GZMH: variants seen among roughly 807,000 people sequenced by gnomAD.
GZMH encodes granzyme H.
Under a neutral mutation model 20.7 loss-of-function variants are expected in GZMH, and 24 were observed. That is an observed-to-expected ratio of 1.16 (90% confidence interval 0.84 to 1.63). GZMH has a LOEUF of 1.63. Among genes scored for constraint, GZMH ranks in the 40% most tolerant of loss-of-function variants. The pLI is 0.00. For missense variants in GZMH, 344 were observed against 302.7 expected (o/e 1.14, Z -1.01); for synonymous variants, 119 against 116.1 (o/e 1.02, Z -0.16).
Position 24,606,482 on chromosome 14 carries a change from A to T in GZMH, c.*121T>A, listed in dbSNP as rs1039202132. On this transcript the variant is annotated 3_prime_UTR_variant, in exon 5 of 5. Coordinates refer to ENST00000216338, the MANE Select transcript of GZMH (RefSeq NM_033423.5). Reference sequence around the variant, plus strand: ...TCAGTGAATAAATAAGACTTCAGTCATATTTACACCAGAGATCCATTTATT... The same window carrying T: ...TCAGTGAATAAATAAGACTTCAGTCTTATTTACACCAGAGATCCATTTATT... 1.3e-5 allele frequency: 11 copies of T among 819,138 alleles called. No homozygotes were observed. The highest frequency in any genetic ancestry group is 1.4e-5 in the Non-Finnish European group (7 of 503,150). The allele number at this position is 819,138 out of a possible 1,614,324, so 50.7% of individuals were successfully genotyped here.
At chr14:24,607,561 A>C in intron 3 of GZMH, 51 bp downstream of exon 3, 1 of 1,611,722 alleles carries the variant, frequency 6.2e-7, no homozygotes, top group South Asian at 1.1e-5. Context: ...TCCCAGTGGG[A>C]GTGGAACCAA....
chr14:24,609,499 A>G lies in GZMH; in HGVS notation c.55+60T>C. 5 of 1,142,130 alleles carry G rather than the reference A, an allele frequency of 4.4e-6. 1 individual carries two copies. The South Asian group carries it at 7.8e-5, about 18-fold the overall frequency. The allele number at this position is 1,142,130 out of a possible 1,614,324, so 70.7% of individuals were successfully genotyped here. ...TGAGGAAAATTCCTGACCAGTGCTC[A>G]TGGGTACAGGGTATCTTATAAGATG... On this transcript the variant is annotated intron_variant, in intron 1 of 4. Coordinates refer to ENST00000216338, the MANE Select transcript of GZMH (RefSeq NM_033423.5).
intron 1 of GZMH, 82 bp from the exon 2 acceptor site, chr14:24,608,494 T>G: frequency 6.7e-7 from 1 of 1,492,520 alleles, no homozygotes; most frequent in Non-Finnish European, 9.3e-7. Flanking sequence ...TGATTGAGGG[T>G]GAAGTGTTTT....
In GZMH at chr14:24,607,882, G is replaced by C. The variant is rs111709298; in HGVS notation, c.204-135C>G. On this transcript the variant is annotated intron_variant, in intron 2 of 4. Transcript: ENST00000216338. The stretch of plus-strand genomic sequence containing the variant: ...GTTGAAGGGACAGGAGGGCTCCAGG[G>C]CTGAGTGACTGTGCCCTCTACTTCA... 439 of 1,284,552 alleles carry C rather than the reference G, an allele frequency of 3.4e-4. 1 individual carries two copies. The African/African-American group carries it at 5.7e-3, about 17-fold the overall frequency. The allele number at this position is 1,284,552 out of a possible 1,614,324, so 79.6% of individuals were successfully genotyped here. A position where few individuals can be genotyped will look rare whatever the true frequency, so the allele number is the denominator to read the frequency against.
At chr14:24,609,144 T>G (rs192297532) in intron 1 of GZMH, among the ~76,000 whole-genome samples, 83 of 152,292 alleles carry the variant, frequency 5.5e-4, no homozygotes, top group African/African-American at 1.7e-3. Context: ...TGGGCTTCCC[T>G]CCTGGCAGGG....
rs115493987 is a variant in GZMH, at chr14:24,606,604, T to A, written c.740A>T (p.Ter247LeuextTer4). Residue 247 changes from the stop codon to leucine (L), a stop_lost, in exon 5 of 5, where the codon TAA becomes TTA. Transcript: ENST00000216338. ...GGAAGGTTAGTCTCATGCCTGCTGT[T>A]AGAGGCGCTTCATTGTTCTCTTTAT... ...PWIKRTMKRL[*>L] is the part of the protein sequence containing the mutation. 2.4e-3 allele frequency: 3,865 copies of A among 1,612,884 alleles called. 77 individuals are homozygous for A. In the African/African-American group the frequency reaches 0.045, roughly 19 times the overall value.
In GZMH at chr14:24,606,599, G is replaced by A; in HGVS notation, c.*4C>T. 3 of 1,612,038 alleles carry A rather than the reference G, an allele frequency of 1.9e-6. No homozygotes were observed. The highest frequency in any genetic ancestry group is 2.5e-6 in the Non-Finnish European group (3 of 1,179,214). On this transcript the variant is annotated 3_prime_UTR_variant, in exon 5 of 5. Transcript: ENST00000216338. ...CCAGAGGAAGGTTAGTCTCATGCCTGCTGTTAGAGGCGCTTCATTGTTCTC... is the reference window on the plus strand; with the variant it reads ...CCAGAGGAAGGTTAGTCTCATGCCTACTGTTAGAGGCGCTTCATTGTTCTC...
intron 4 of GZMH, 143 bp downstream of exon 4, chr14:24,607,006 G>T: frequency 1.1e-6 from 1 of 875,154 alleles, no homozygotes; most frequent in Non-Finnish European, 1.8e-6. Flanking sequence ...CCCAAGGAGT[G>T]GACTAAAGAC....
chr14:24,606,717 C>T lies in GZMH; in HGVS notation c.627G>A (p.Lys209=), dbSNP rs746846593. The T allele has an allele frequency of 1.2e-6, 2 of 1,613,922 alleles. No homozygotes were observed. Among genetic ancestry groups the T allele is most frequent in the Non-Finnish European group, 1.7e-6 (2 of 1,179,860 alleles). Residue 209 remains lysine, a synonymous_variant, in exon 5 of 5, where the codon AAG becomes AAA. Coordinates refer to ENST00000216338, the MANE Select transcript of GZMH (RefSeq NM_033423.5). The part of the protein sequence containing the change: ...KGDSGGPLVC[K]DVAQGILSYG... ...AGGAGAGAATACCTTGGGCTACGTC[C>T]TTACACACGAGGGGCCCCCCGGAGT...
At chr14:24,606,923 C>T (rs2066873244) in intron 4 of GZMH, among the ~76,000 whole-genome samples, 177 bp from the exon 5 acceptor site, 1 of 152,164 alleles carries the variant, frequency 6.6e-6, no homozygotes, top group Non-Finnish European at 1.5e-5. Flanking sequence ...CCTTTCTCTG[C>T]AATTCTCACG....
intron 1 of GZMH, among the ~76,000 whole-genome samples, chr14:24,609,145 C>T (rs960306602): frequency 6.6e-6 from 1 of 152,186 alleles, no homozygotes; most frequent in African/African-American, 2.4e-5. Context: ...GGGCTTCCCT[C>T]CTGGCAGGGG....
chr14:24,608,384 C>T lies in GZMH; in HGVS notation c.84G>A (p.Lys28=). The part of the protein sequence containing the change: ...TEEIIGGHEA[K]PHSRPYMAFV... ...AGGCCATGTAGGGGCGGGAGTGGGG[C>T]TTGGCCTCATGGCCCCCGATGATCT... Residue 28 remains lysine (K), a synonymous_variant, in exon 2 of 5, where the codon AAG becomes AAA. Coordinates refer to ENST00000216338, the MANE Select transcript of GZMH (RefSeq NM_033423.5). The T allele has an allele frequency of 3.7e-6, 6 of 1,614,168 alleles. No homozygotes were observed. The South Asian group carries it at 6.6e-5, about 18-fold the overall frequency.
chr14:24,608,184 C>G (rs1340033487), intron 2 of GZMH, 81 bp downstream of exon 2: 1 of 1,460,324 alleles, frequency 6.8e-7, no homozygotes, highest in Non-Finnish European at 9.5e-7. Context: ...ACTCTGGAAG[C>G]TCCCCTGGGC....
rs765164934 is a variant in GZMH, at chr14:24,606,639, G to C, written c.705C>G (p.Phe235Leu). Residue 235 changes from phenylalanine (F) to leucine (L), a missense_variant, in exon 5 of 5, where the codon TTC (phenylalanine) becomes TTG (leucine). Transcript: ENST00000216338. ...PPGVYIKVSH[F>L]LPWIKRTMKR... ...TCATTGTTCTCTTTATCCAGGGCAGGAAGTGTGAGACCTTGATGTAGACTC... is the reference window on the plus strand; with the variant it reads ...TCATTGTTCTCTTTATCCAGGGCAGCAAGTGTGAGACCTTGATGTAGACTC... 2.5e-6 allele frequency: 4 copies of C among 1,614,102 alleles called. No individual in the cohort carries two copies. Among genetic ancestry groups the C allele is most frequent in the Middle Eastern group, 3.3e-4 (2 of 6,060 alleles).
rs368770767 is a variant in GZMH, at chr14:24,607,775, G to A, written c.204-28C>T. 18 of 1,613,944 alleles carry A rather than the reference G, an allele frequency of 1.1e-5. No individual in the cohort carries two copies. In the African/African-American group the frequency reaches 1.9e-4, roughly 17 times the overall value. ...GCACAGAGAGCAGAGTGAGGATGGG[G>A]GTGGAGTCACAGGGGATAGAGCCCA... On this transcript the variant is annotated intron_variant, in intron 2 of 4. Coordinates refer to ENST00000216338, the MANE Select transcript of GZMH (RefSeq NM_033423.5).
At chr14:24,608,228 G>C (rs1401074186) in intron 2 of GZMH, 37 bp downstream of exon 2, 1 of 1,611,612 alleles carries the variant, frequency 6.2e-7, no homozygotes, top group Non-Finnish European at 8.5e-7. Flanking sequence ...GGTCCCTGTA[G>C]GGGGAACTCA....
At chr14:24,607,587 C>A (rs1215082349) in intron 3 of GZMH, 25 bp downstream of exon 3, 16 of 1,611,794 alleles carry the variant, frequency 9.9e-6, no homozygotes, top group Non-Finnish European at 1.4e-5. Context: ...CCAAGAAGAG[C>A]AAGAGTGGCA....
chr14:24,607,077 C>T (rs1378510261), intron 4 of GZMH, 72 bp downstream of exon 4: 3 of 1,484,552 alleles, frequency 2.0e-6, no homozygotes, highest in East Asian at 4.5e-5. Context: ...GATCTGGCCA[C>T]TGTCATACCC....
Position 24,609,572 on chromosome 14 carries a change from AG to A in GZMH, c.41del (p.Pro14LeufsTer40). 1 of 1,608,868 alleles carries A rather than the reference AG, an allele frequency of 6.2e-7. No homozygotes were observed. Among genetic ancestry groups the A allele is most frequent in the Non-Finnish European group, 8.5e-7 (1 of 1,177,246 alleles). On this transcript the variant is annotated frameshift_variant, in exon 1 of 5. Transcript: ENST00000216338. LOFTEE classifies it high-confidence loss of function. Reference sequence around the variant, plus strand: ...ATAGTCACTTACCTGTCCCAGCCCCAGGGGTCAGAAGAAAGGCCAACAGGAG... The same window carrying A: ...ATAGTCACTTACCTGTCCCAGCCCCAGGGTCAGAAGAAAGGCCAACAGGAG... ...FLLLLAFLLT[P>X]GAGTEEIIGG...
Sources: gnomAD v4.1 joint callset for allele counts (sites outside exome capture counted in the v4.1 genomes callset) on GRCh38, gnomAD v4.1.1 for gene constraint, MANE v1.5 for transcripts, NCBI Gene and HGNC (gene_info 2026-07-23, HGNC 2026-07-21) for gene names.